Variants in SPRED2 observed in about 807,000 individuals in gnomAD.
The protein encoded by SPRED2 is sprouty related EVH1 domain containing 2.
SPRED2 carries 47 observed loss-of-function variants against 43.0 expected under a neutral mutation model. The ratio of observed to expected loss-of-function variants is 1.09; its 90% confidence interval spans 0.87 to 1.40. The LOEUF (loss-of-function observed/expected upper bound fraction) is 1.40, where lower values mean the gene tolerates loss of function less well. Among genes scored for constraint, SPRED2 ranks in the 40% most tolerant of loss-of-function variants. The pLI is 0.00. For missense variants in SPRED2, 561 were observed against 586.4 expected (o/e 0.96, Z 0.45); for synonymous variants, 225 against 225.7 (o/e 1.00, Z 0.03).
At chr2:65,331,432 C>A (rs563751418) in intron 4 of SPRED2, among the ~76,000 whole-genome samples, 1 of 152,300 alleles carries the variant, frequency 6.6e-6, no homozygotes, top group South Asian at 2.1e-4. Context: ...TTAACTCAAG[C>A]TGTGTCAAAA....
At chr2:65,340,556 C>T (rs953312) in intron 2 of SPRED2, among the ~76,000 whole-genome samples, 40,900 of 152,160 alleles carry the variant, frequency 0.27, 6,857 homozygotes, top group East Asian at 0.69. Flanking sequence ...GTAAACTCCT[C>T]TAATCCATCT....
At chr2:65,310,498 C>T (rs981538524), downstream of SPRED2, among the ~76,000 whole-genome samples, 5 of 145,368 alleles carry the variant, frequency 3.4e-5, no homozygotes, top group Admixed American at 1.4e-4. Context: ...CACACACACA[C>T]ACACACATAT....
chr2:65,366,569 A>G (rs1443799632), intron 1 of SPRED2: 1 of 1,550,890 alleles, frequency 6.4e-7, no homozygotes, highest in South Asian at 1.2e-5. Context: ...AATAAAGTTC[A>G]TGTAAACAGT....
At chr2:65,316,003 GA>G (rs1317350232) in intron 5 of SPRED2, among the ~76,000 whole-genome samples, 52 of 152,314 alleles carry the variant, frequency 3.4e-4, no homozygotes, top group Admixed American at 2.9e-3. Flanking sequence ...AAAATATTAG[GA>G]AGCACAATCT....
chr2:65,394,113 T>G (rs957685705), intron 1 of SPRED2, among the ~76,000 whole-genome samples: 11 of 152,236 alleles, frequency 7.2e-5, no homozygotes, highest in African/African-American at 2.6e-4. Flanking sequence ...CTGTGCCCAG[T>G]GCATCTCTGG....
intron 1 of SPRED2, among the ~76,000 whole-genome samples, chr2:65,368,303 G>A (rs190852669): frequency 9.5e-4 from 145 of 152,316 alleles, no homozygotes; most frequent in Middle Eastern, 3.4e-3. Flanking sequence ...AGACTGATTA[G>A]GATTGTGCAT....
chr2:65,313,506 C>T lies in SPRED2; in HGVS notation c.1252G>A (p.Ala418Thr). The change falls in exon 6 of 6, where the codon GCG (alanine) becomes ACG (threonine). Residue 418 changes from alanine to threonine, a missense_variant. Ala to Thr is a moderately conservative substitution (Grantham distance 58, BLOSUM62 0). This residue lies in a region of SPRED2 where 10 missense variants were observed against 26.0 expected (regional missense o/e 0.38). Coordinates refer to ENST00000356388, the MANE Select transcript of SPRED2 (RefSeq NM_181784.3). ...GAGAAGGGAGGGAAACTGAGTCACG[C>T]GGCCGCTTTGTGCTTCCCGCCACAG... ...RCCGGKHKAA[A>T] The T allele has an allele frequency of 6.3e-7, 1 of 1,599,058 alleles. No individual in the cohort carries two copies. Among genetic ancestry groups the T allele is most frequent in the African/African-American group, 1.3e-5 (1 of 74,688 alleles).
chr2:65,322,294 A>T (rs56015899), intron 4 of SPRED2, among the ~76,000 whole-genome samples: 23,683 of 64,582 alleles, frequency 0.37, 4,004 homozygotes, highest in Non-Finnish European at 0.37. Flanking sequence ...ATATATATAT[A>T]TTTTTTTTTT....
In SPRED2 at chr2:65,431,957, C is replaced by T; in HGVS notation, c.26+5G>A. 2 of 1,613,906 alleles carry T rather than the reference C, an allele frequency of 1.2e-6. No homozygotes were observed. Among genetic ancestry groups the T allele is most frequent in the Non-Finnish European group, 1.7e-6 (2 of 1,179,932 alleles). On this transcript the variant is annotated splice_donor_5th_base_variant and intron_variant, in intron 1 of 5. Coordinates refer to ENST00000356388, the MANE Select transcript of SPRED2 (RefSeq NM_181784.3). ...ACCCTCGTCCCACCCCGCGACCAAA[C>T]TTACTCGTCTGGGTGTGTTTCTTCG...
chr2:65,415,705 C>T (rs1676255798), intron 1 of SPRED2, among the ~76,000 whole-genome samples: 1 of 151,986 alleles, frequency 6.6e-6, no homozygotes, highest in Admixed American at 6.6e-5. Flanking sequence ...TAATTTTGGA[C>T]TGCTGTAGGT....
At chr2:65,397,657 G>A (rs1335413636) in intron 1 of SPRED2, among the ~76,000 whole-genome samples, 1 of 141,894 alleles carries the variant, frequency 7.0e-6, no homozygotes, top group Non-Finnish European at 1.5e-5. Context: ...GGTAACATAT[G>A]TATAATCCAC....
At chr2:65,396,685 G>C (rs911688430) in intron 1 of SPRED2, among the ~76,000 whole-genome samples, 2 of 152,198 alleles carry the variant, frequency 1.3e-5, no homozygotes, top group Admixed American at 6.5e-5. Flanking sequence ...CAAAGGAGCA[G>C]TGAAGCCAAA....
intron 1 of SPRED2, among the ~76,000 whole-genome samples, chr2:65,426,527 G>C (rs1676561656): frequency 6.6e-6 from 1 of 152,152 alleles, no homozygotes; most frequent in South Asian, 2.1e-4. Flanking sequence ...CTGGGTATAA[G>C]CCCAACTTGA....
chr2:65,416,462 T>G (rs951287177), intron 1 of SPRED2, among the ~76,000 whole-genome samples: 1 of 151,804 alleles, frequency 6.6e-6, no homozygotes, highest in Non-Finnish European at 1.5e-5. Flanking sequence ...TGTGGAAGAG[T>G]GGGTCTACAG....
In SPRED2 at chr2:65,313,861, C is replaced by G; in HGVS notation, c.897G>C (p.Arg299=). The part of the protein sequence containing the change: ...KTQPSRGKSR[R]RKEDGERSRC... ...GCGAGCGCTCTCCGTCCTCCTTCCG[C>G]CGCCGCGACTTGCCCCGGGAGGGCT... The change falls in exon 6 of 6, where the codon CGG becomes CGC. Residue 299 remains arginine, a synonymous_variant. Coordinates refer to ENST00000356388, the MANE Select transcript of SPRED2 (RefSeq NM_181784.3). 4.3e-6 allele frequency: 7 copies of G among 1,611,002 alleles called. No individual in the cohort carries two copies. Among genetic ancestry groups the G allele is most frequent in the Non-Finnish European group, 5.9e-6 (7 of 1,179,820 alleles).
intron 4 of SPRED2, among the ~76,000 whole-genome samples, chr2:65,317,373 C>T (rs1673272253): frequency 6.6e-6 from 1 of 152,082 alleles, no homozygotes; most frequent in South Asian, 2.1e-4. Context: ...ATTAGGCAGG[C>T]ATGGTGGCAG....
At chr2:65,391,176 A>C (rs1187119984) in intron 1 of SPRED2, among the ~76,000 whole-genome samples, 2 of 143,254 alleles carry the variant, frequency 1.4e-5, no homozygotes, top group Non-Finnish European at 3.0e-5. Flanking sequence ...TCAAATGGGC[A>C]CAACCTCACC....
intron 1 of SPRED2, among the ~76,000 whole-genome samples, chr2:65,414,708 G>A (rs919530561): frequency 1.3e-5 from 2 of 152,198 alleles, no homozygotes; most frequent in Non-Finnish European, 2.9e-5. Context: ...GTGAACTGCA[G>A]GAACCTTAAG....
chr2:65,360,285 T>G (rs1674776232), intron 1 of SPRED2, among the ~76,000 whole-genome samples: 1 of 152,172 alleles, frequency 6.6e-6, no homozygotes, highest in Non-Finnish European at 1.5e-5. Flanking sequence ...TTCTCAGGAC[T>G]AACTTCACAC....
Sources: gnomAD v4.1 joint callset for allele counts (sites outside exome capture counted in the v4.1 genomes callset) on GRCh38, gnomAD v4.1.1 for gene constraint, gnomAD v4.1.1 regional missense constraint, MANE v1.5 for transcripts, NCBI Gene and HGNC (gene_info 2026-07-23, HGNC 2026-07-21) for gene names.